Variants in SHANK2 observed in about 807,000 individuals in gnomAD.
SHANK2 encodes the protein SH3 and multiple ankyrin repeat domains protein 2.
In SHANK2, 43 loss-of-function variants were observed where a neutral mutation model predicts 133.7. The observed-to-expected ratio is 0.32, with a 90% CI of 0.25 to 0.41. The LOEUF (loss-of-function observed/expected upper bound fraction) is 0.41. Among genes scored for constraint, SHANK2 ranks in the 10% least tolerant of loss-of-function variants. The probability of loss-of-function intolerance (pLI) is 1.00; values close to 1 mark genes in which losing one functional copy is unlikely to be tolerated. For synonymous variants in SHANK2, 1,017 were observed against 952.8 expected (o/e 1.07, Z -1.24); for missense variants, 1,994 against 2,235.8 (o/e 0.89, Z 2.18).
chr11:70,895,215 C>T (rs988088399), intron 11 of SHANK2, among the ~76,000 whole-genome samples: 11 of 152,222 alleles, frequency 7.2e-5, no homozygotes, highest in African/African-American at 1.4e-4. Flanking sequence ...TTCTCCAAGG[C>T]GGGGTAGGTA....
chr11:71,195,979 C>T (rs1422010638), intron 2 of SHANK2, among the ~76,000 whole-genome samples: 3 of 151,922 alleles, frequency 2.0e-5, no homozygotes, highest in Non-Finnish European at 2.9e-5. Context: ...CCTAGGAGTT[C>T]GGGACCAGCC....
rs370299246 is a variant in SHANK2 at position 71,147,608 on chromosome 11, G to A, written c.-12-270C>T. Among the ~76,000 whole-genome samples, 1,070 of 152,320 alleles carry A rather than the reference G, an allele frequency of 7.0e-3. 10 individuals are homozygous for A. Among genetic ancestry groups the A allele is most frequent in the Non-Finnish European group, 0.012 (817 of 68,022 alleles). ...AAACCCTGCAAACTCTGGTACCAGCGCTGTGAAACCCCGGCACTCAAAAGG... is the reference window on the plus strand; with the variant it reads ...AAACCCTGCAAACTCTGGTACCAGCACTGTGAAACCCCGGCACTCAAAAGG... On this transcript the variant is annotated intron_variant, in intron 2 of 25. Coordinates refer to ENST00000601538, the MANE Select transcript of SHANK2 (RefSeq NM_012309.5).
chr11:70,815,175 A>ACAC (rs1948363761), intron 12 of SHANK2, among the ~76,000 whole-genome samples: 3 of 119,716 alleles, frequency 2.5e-5, no homozygotes, highest in African/African-American at 9.3e-5. Flanking sequence ...TGGGAGAAGA[A>ACAC]ACACACACAC....
intron 17 of SHANK2, among the ~76,000 whole-genome samples, chr11:70,658,766 C>A (rs536502764): frequency 6.6e-6 from 1 of 152,188 alleles, no homozygotes; most frequent in Non-Finnish European, 1.5e-5. Context: ...CCTCTCACCA[C>A]GGGTGGAGAT....
At position 70,501,930 on chromosome 11, in the gene SHANK2, C is replaced by T. The variant is rs1555158626; in HGVS notation, c.2280G>A (p.Val760=). ...KSMTSELEEL[V]DKASVRKKKD... ...CCCAGTGGGGCTGCTTACCTTTATC[C>T]ACTAGTGAGAGGCCCAAAAATTCAA... Residue 760 remains valine (V), a splice_region_variant and synonymous_variant, in exon 20 of 26, where the codon GTG becomes GTA. Transcript: ENST00000601538. The T allele has an allele frequency of 6.4e-7, 1 of 1,559,492 alleles. No individual in the cohort carries two copies.
chr11:70,744,049 C>A (rs1233722584), intron 14 of SHANK2, among the ~76,000 whole-genome samples: 2 of 152,216 alleles, frequency 1.3e-5, no homozygotes, highest in African/African-American at 4.8e-5. Flanking sequence ...GCTGGGCATC[C>A]CGGGCCACAC....
intron 17 of SHANK2, among the ~76,000 whole-genome samples, chr11:70,550,701 G>A (rs934046723): frequency 6.6e-5 from 10 of 152,182 alleles, no homozygotes; most frequent in Admixed American, 5.2e-4. Context: ...GGAGGGGCCC[G>A]GTGGTGAAGG....
chr11:70,612,860 G>A (rs782767382), intron 17 of SHANK2, among the ~76,000 whole-genome samples: 4 of 151,668 alleles, frequency 2.6e-5, no homozygotes, highest in East Asian at 1.9e-4. Context: ...TGGCCTCCAC[G>A]TTCCCCTCCA....
intron 2 of SHANK2, among the ~76,000 whole-genome samples, chr11:71,163,610 T>C (rs1953074562): frequency 6.6e-6 from 1 of 152,196 alleles, no homozygotes; most frequent in South Asian, 2.1e-4. Flanking sequence ...CCTTAGAAGA[T>C]AAGCTCCTGG....
At position 70,569,906 on chromosome 11, in the gene SHANK2, A is replaced by C. The variant is rs1307755281; in HGVS notation, c.2062-66975T>G. Among the ~76,000 whole-genome samples, 1 of 151,746 alleles carries C rather than the reference A, an allele frequency of 6.6e-6. No homozygotes were observed. The highest frequency in any genetic ancestry group is 1.5e-5 in the Non-Finnish European group (1 of 67,940). On this transcript the variant is annotated intron_variant, in intron 17 of 25. Coordinates refer to ENST00000601538, the MANE Select transcript of SHANK2 (RefSeq NM_012309.5). This position sits in a 1 kb window ranked among gnomAD's most constrained non-coding sequence, Gnocchi z 5.1. ...CGGGGACGACGGTACAGAGCAAGAC[A>C]GAGACACTCACCGAGACAGAGACAC...
intron 12 of SHANK2, among the ~76,000 whole-genome samples, chr11:70,816,185 G>A (rs1948391945): frequency 6.6e-6 from 1 of 152,248 alleles, no homozygotes; most frequent in East Asian, 1.9e-4. Context: ...CAGGCCAGGT[G>A]CTGAAAGCCA....
intron 15 of SHANK2, among the ~76,000 whole-genome samples, chr11:70,666,389 CA>C (rs561144843): frequency 6.5e-4 from 99 of 152,330 alleles, no homozygotes; most frequent in African/African-American, 2.4e-3. Flanking sequence ...TGCAATCAGA[CA>C]GGGGGGTCTC....
intron 17 of SHANK2, 83 bp downstream of exon 17, chr11:70,659,745 G>T: frequency 6.4e-7 from 1 of 1,567,418 alleles, no homozygotes; most frequent in Non-Finnish European, 8.8e-7. Flanking sequence ...TGGGCCTCGT[G>T]GCTGTGCTGC....
At chr11:71,157,878 A>G (rs1186556913) in intron 2 of SHANK2, among the ~76,000 whole-genome samples, 1 of 152,144 alleles carries the variant, frequency 6.6e-6, no homozygotes, top group Non-Finnish European at 1.5e-5. Flanking sequence ...AAGGAAACCA[A>G]TCAAGACAAC....
At chr11:71,126,324 T>C (rs1415662365) in intron 3 of SHANK2, among the ~76,000 whole-genome samples, 2 of 151,846 alleles carry the variant, frequency 1.3e-5, no homozygotes, top group African/African-American at 2.4e-5. Flanking sequence ...ACAACACATG[T>C]TACTGAATAT....
At chr11:70,597,479 A>ATAGAGAGGG (rs2060417084) in intron 17 of SHANK2, among the ~76,000 whole-genome samples, 1 of 151,248 alleles carries the variant, frequency 6.6e-6, no homozygotes, top group South Asian at 2.1e-4. Flanking sequence ...GGTAGAGAGG[A>ATAGAGAGGG]TAGAGAGGGT....
intron 15 of SHANK2, among the ~76,000 whole-genome samples, chr11:70,695,977 T>G (rs782063378): frequency 3.3e-5 from 5 of 149,446 alleles, no homozygotes; most frequent in Non-Finnish European, 7.5e-5. Flanking sequence ...GTGGTCTGCA[T>G]GTTCCTCCTC....
rs530535335 is a variant in SHANK2 at position 70,664,495 on chromosome 11, G to A, written c.1854-2817C>T. 3.6e-4 allele frequency among the ~76,000 whole-genome samples: 55 copies of A among 152,286 alleles called. No individual in the cohort carries two copies. The East Asian group carries it at 5.0e-3, about 14-fold the overall frequency. ...CCTGAAACCCTGGAAGGATGATGCC[G>A]AACCCTGGGGTCTGGAGCTCAGGGC... is the stretch of plus-strand genomic sequence containing the variant. On this transcript the variant is annotated intron_variant, in intron 15 of 25. Transcript: ENST00000601538.
chr11:70,639,336 T>C (rs1591688236), intron 17 of SHANK2, among the ~76,000 whole-genome samples: 2 of 152,136 alleles, frequency 1.3e-5, no homozygotes, highest in African/African-American at 2.4e-5. Context: ...TTTCTCACCA[T>C]GCTGTGGGCT....
Sources: gnomAD v4.1 joint callset for allele counts (sites outside exome capture counted in the v4.1 genomes callset) on GRCh38, gnomAD v4.1.1 for gene constraint, Gnocchi (gnomAD v3.1) non-coding constraint, MANE v1.5 for transcripts, NCBI Gene and HGNC (gene_info 2026-07-23, HGNC 2026-07-21) for gene names.